The following LRRFIP1 variants were observed in gnomAD, a reference collection of about 807,000 sequenced individuals.
LRRFIP1 encodes the protein leucine-rich repeat flightless-interacting protein 1.
LRRFIP1 carries 62 observed loss-of-function variants against 104.4 expected under a neutral mutation model. The ratio of observed to expected loss-of-function variants is 0.59; its 90% CI spans 0.48 to 0.73. The LOEUF (loss-of-function observed/expected upper bound fraction) is 0.73, where lower values mean the gene tolerates loss of function less well. Ranked by LOEUF, LRRFIP1 falls within the 30% of genes least tolerant of loss-of-function variation. LRRFIP1 has a pLI of 0.00. For synonymous variants in LRRFIP1, 300 were observed against 299.0 expected (o/e 1.00, Z -0.03); for missense variants, 796 against 824.5 (o/e 0.97, Z 0.42).
chr2:237,722,450 G>C (rs1039563810), intron 6 of LRRFIP1, among the ~76,000 whole-genome samples: 1 of 152,164 alleles, frequency 6.6e-6, no homozygotes, highest in Non-Finnish European at 1.5e-5. Context: ...ACGGTGTTAT[G>C]TAACAGCATT....
chr2:237,637,607 C>T (rs1434301461), intron 1 of LRRFIP1, among the ~76,000 whole-genome samples: 1 of 152,166 alleles, frequency 6.6e-6, no homozygotes, highest in Non-Finnish European at 1.5e-5. Flanking sequence ...GTGATATGGC[C>T]TTGGCAGCAG....
chr2:237,648,681 A>ATGAGT (rs2085384995), intron 1 of LRRFIP1, among the ~76,000 whole-genome samples: 1 of 151,794 alleles, frequency 6.6e-6, no homozygotes, highest in Non-Finnish European at 1.5e-5. Context: ...TGAGTAACAG[A>ATGAGT]AACCATCTTC....
chr2:237,637,478 AAAG>A (rs1427968062), intron 1 of LRRFIP1, among the ~76,000 whole-genome samples: 15 of 152,352 alleles, frequency 9.8e-5, no homozygotes, highest in African/African-American at 3.4e-4. Flanking sequence ...AAAAAGAGAA[AAAG>A]AAGAAGACAA....
At chr2:237,742,193 G>A (rs2057192872) in intron 11 of LRRFIP1, among the ~76,000 whole-genome samples, 1 of 152,214 alleles carries the variant, frequency 6.6e-6, no homozygotes, top group African/African-American at 2.4e-5. Flanking sequence ...ACAGAAAGAT[G>A]TGAGTTCAGC....
At chr2:237,693,922 C>A (rs549331544) in intron 1 of LRRFIP1, among the ~76,000 whole-genome samples, 173 of 152,252 alleles carry the variant, frequency 1.1e-3, no homozygotes, top group Non-Finnish European at 2.1e-3. Context: ...CAGATGACTT[C>A]GAGATGCTGC....
chr2:237,725,873 T>G (rs2094727469), intron 7 of LRRFIP1, among the ~76,000 whole-genome samples: 1 of 152,264 alleles, frequency 6.6e-6, no homozygotes, highest in African/African-American at 2.4e-5. Flanking sequence ...GCCACAGAGC[T>G]ATGTATTTCA....
chr2:237,681,854 T>C (rs964575760), intron 1 of LRRFIP1, among the ~76,000 whole-genome samples: 4 of 148,688 alleles, frequency 2.7e-5, no homozygotes, highest in African/African-American at 4.9e-5. Flanking sequence ...TAATTTTTTG[T>C]ATTTTTAGTA....
At chr2:237,683,629 C>CAA (rs2092070240) in intron 1 of LRRFIP1, 2 of 152,242 alleles carry the variant, frequency 1.3e-5, no homozygotes, top group South Asian at 4.1e-4. Context: ...TGCAAAAGGG[C>CAA]AAACCCTTCT....
At chr2:237,737,611 T>C (rs1179244475) in intron 10 of LRRFIP1, among the ~76,000 whole-genome samples, 2 of 152,180 alleles carry the variant, frequency 1.3e-5, no homozygotes, top group Non-Finnish European at 2.9e-5. Context: ...ATGAATGGCA[T>C]AGGATGGAGA....
chr2:237,715,870 A>C (rs1432208381), intron 3 of LRRFIP1, among the ~76,000 whole-genome samples: 1 of 152,198 alleles, frequency 6.6e-6, no homozygotes, highest in East Asian at 1.9e-4. Context: ...ACTACTAGTT[A>C]ATTGCACTTG....
At chr2:237,646,865 G>C (rs1186118726) in intron 1 of LRRFIP1, among the ~76,000 whole-genome samples, 2 of 151,970 alleles carry the variant, frequency 1.3e-5, no homozygotes, top group Admixed American at 6.5e-5. Flanking sequence ...GTGGTGTTTT[G>C]TTACAGCAGC....
chr2:237,662,005 TA>T (rs951780155), intron 1 of LRRFIP1, among the ~76,000 whole-genome samples: 3 of 152,166 alleles, frequency 2.0e-5, no homozygotes, highest in African/African-American at 7.2e-5. Context: ...CTGGGTGACT[TA>T]AAATAACAGA....
intron 1 of LRRFIP1, among the ~76,000 whole-genome samples, chr2:237,704,521 G>A (rs2149960295): frequency 6.6e-6 from 1 of 152,308 alleles, no homozygotes; most frequent in East Asian, 1.9e-4. Flanking sequence ...TAAGTGTGTA[G>A]TTTTGTGTTC....
chr2:237,759,506 A>G (rs1434675327), intron 18 of LRRFIP1, among the ~76,000 whole-genome samples: 5 of 152,172 alleles, frequency 3.3e-5, no homozygotes, highest in Non-Finnish European at 7.3e-5. Context: ...AGGGAGAGAG[A>G]GCCACAGGCG....
intron 1 of LRRFIP1, among the ~76,000 whole-genome samples, chr2:237,672,045 T>G (rs1434718674): frequency 6.6e-6 from 1 of 152,056 alleles, no homozygotes; most frequent in Non-Finnish European, 1.5e-5. Context: ...AGTATCATTC[T>G]TTTCAAATTC....
intron 1 of LRRFIP1, among the ~76,000 whole-genome samples, chr2:237,708,032 A>G (rs2093899303): frequency 6.6e-6 from 1 of 152,180 alleles, no homozygotes; most frequent in Non-Finnish European, 1.5e-5. Context: ...ATGGCCTCAG[A>G]TGGGTCTGGC....
rs759576812 is a variant in LRRFIP1 at position 237,648,568 on chromosome 2, GA to G, written c.96+20840del. ...CGTAATGAGACCCCCATCTCTACAA[GA>G]AAAAAAAAAAAGATACCGCAGTTCA... On this transcript the variant is annotated intron_variant, in intron 1 of 23. Coordinates refer to ENST00000308482, the MANE Select transcript of LRRFIP1 (RefSeq NM_001137550.2). Among the ~76,000 whole-genome samples, 280 of 140,776 alleles carry G rather than the reference GA, an allele frequency of 2.0e-3. 1 individual carries two copies. The highest frequency in any genetic ancestry group is 3.3e-3 in the African/African-American group (126 of 38,654). The allele number at this position is 140,776 out of a possible 152,430, so 92.4% of individuals were successfully genotyped here.
intron 2 of LRRFIP1, among the ~76,000 whole-genome samples, chr2:237,709,482 G>T (rs3769092): frequency 1.3e-5 from 2 of 152,116 alleles, no homozygotes; most frequent in Non-Finnish European, 2.9e-5. Flanking sequence ...TTAATACACA[G>T]GTTGTTGTTT....
Position 237,650,290 on chromosome 2 carries a change from G to T in LRRFIP1, c.96+22550G>T, listed in dbSNP as rs185835442. 1.1e-4 allele frequency among the ~76,000 whole-genome samples: 17 copies of T among 152,084 alleles called. 1 individual carries two copies. The East Asian group carries it at 3.3e-3, about 29-fold the overall frequency. On this transcript the variant is annotated intron_variant, in intron 1 of 23. Coordinates refer to ENST00000308482, the MANE Select transcript of LRRFIP1 (RefSeq NM_001137550.2). ...TCTGACTCTCAGCATGGGGGCTGTT[G>T]TGGCTGAGCAGAGAGATCCGAAGGA... is the stretch of plus-strand genomic sequence containing the variant.
Sources: gnomAD v4.1 joint callset for allele counts (sites outside exome capture counted in the v4.1 genomes callset) on GRCh38, gnomAD v4.1.1 for gene constraint, MANE v1.5 for transcripts, NCBI Gene and HGNC (gene_info 2026-07-23, HGNC 2026-07-21) for gene names.